PBK: variants seen among roughly 807,000 people sequenced by gnomAD.
PBK encodes the protein PDZ binding kinase.
In PBK, 22 loss-of-function variants were observed where a neutral mutation model predicts 33.5. That is an observed-to-expected ratio of 0.66 (90% CI 0.47 to 0.94). The LOEUF is 0.94. Among genes scored for constraint, PBK ranks in the 40% least tolerant of loss-of-function variants. PBK has a pLI of 0.00. For missense variants in PBK, 376 were observed against 383.4 expected, an observed-to-expected ratio of 0.98 and a Z score of 0.16; for synonymous variants, 129 against 123.8, an observed-to-expected ratio of 1.04 and a Z score of -0.28.
At chr8:27,811,772 G>A (rs559256154) in intron 6 of PBK, among the ~76,000 whole-genome samples, 4 of 152,150 alleles carry the variant, frequency 2.6e-5, no homozygotes, top group African/African-American at 9.6e-5. Flanking sequence ...CTTCCAAACC[G>A]CAGTCATATA....
At position 27,823,210 on chromosome 8, in the gene PBK, GAAA is replaced by G. The variant is rs756945584; in HGVS notation, c.153-8_153-6del. 27 of 1,479,554 alleles carry G rather than the reference GAAA, an allele frequency of 1.8e-5. No homozygotes were observed. The highest frequency in any genetic ancestry group is 1.8e-4 in the Middle Eastern group (1 of 5,580). 91.7% of individuals were successfully genotyped at this position (1,479,554 alleles called of 1,614,324 possible). On this transcript the variant is annotated splice_region_variant and splice_polypyrimidine_tract_variant and intron_variant, in intron 3 of 7. Transcript: ENST00000301905. Reference sequence around the variant, plus strand: ...TGAGACAAACCTCTTGGAGATCTAAGAAAAAAATTCATTTAAAAAGGATAGAAA... The same window carrying G: ...TGAGACAAACCTCTTGGAGATCTAAGAAAATTCATTTAAAAAGGATAGAAA...
At chr8:27,815,913 T>C (rs1335455605) in intron 6 of PBK, among the ~76,000 whole-genome samples, 1 of 152,226 alleles carries the variant, frequency 6.6e-6, no homozygotes, top group African/African-American at 2.4e-5. Context: ...TTTGATGAGA[T>C]CATAAACTAA....
rs146196671 is a variant in PBK at position 27,836,834 on chromosome 8, T to C, written c.-21+818A>G. ...CTTACGACTGAGTCCCACCTTCTAC[T>C]CTAAGCTATTTGCACCTCAATGTAC... On this transcript the variant is annotated intron_variant, in intron 1 of 7. Transcript: ENST00000301905. Among the ~76,000 whole-genome samples, 13 of 152,332 alleles carry C rather than the reference T, an allele frequency of 8.5e-5. No homozygotes were observed. The East Asian group carries it at 2.3e-3, about 27-fold the overall frequency.
At chr8:27,830,543 TA>T (rs1335185715) in intron 2 of PBK, among the ~76,000 whole-genome samples, 1 of 152,214 alleles carries the variant, frequency 6.6e-6, no homozygotes, top group East Asian at 1.9e-4. Context: ...ATAAATGGTC[TA>T]AACAGAGCTG....
At chr8:27,814,919 C>T (rs997509703) in intron 6 of PBK, among the ~76,000 whole-genome samples, 8 of 152,148 alleles carry the variant, frequency 5.3e-5, no homozygotes, top group Non-Finnish European at 8.8e-5. Context: ...CTAGGATAAA[C>T]TCAAACTCTT....
chr8:27,822,214 G>T, intron 5 of PBK, 105 bp downstream of exon 5: 1 of 842,444 alleles, frequency 1.2e-6, no homozygotes, highest in Non-Finnish European at 1.8e-6. Flanking sequence ...GAACTGACAA[G>T]TAACAATATC....
intron 6 of PBK, among the ~76,000 whole-genome samples, chr8:27,815,255 C>A (rs1223155814): frequency 3.3e-5 from 5 of 152,140 alleles, no homozygotes; most frequent in African/African-American, 9.7e-5. Flanking sequence ...TTCCAGTTAA[C>A]AAGCACTCAT....
In PBK at chr8:27,811,136, TGA is replaced by T; in HGVS notation, c.596-4_596-3del. 6.2e-7 allele frequency: 1 copy of T among 1,613,694 alleles called. No homozygotes were observed. Among genetic ancestry groups the T allele is most frequent in the South Asian group, 1.1e-5 (1 of 91,064 alleles). ...TGTAACAAGCCTCAGGGTCAGTCACTGAAACAAGCAAGATGGTTATGAAGGCA... is the reference window on the plus strand; with the variant it reads ...TGTAACAAGCCTCAGGGTCAGTCACTAACAAGCAAGATGGTTATGAAGGCA... On this transcript the variant is annotated splice_region_variant and splice_polypyrimidine_tract_variant and intron_variant, in intron 6 of 7. Transcript: ENST00000301905.
chr8:27,825,061 G>T (rs554271445), intron 3 of PBK, among the ~76,000 whole-genome samples: 15 of 152,296 alleles, frequency 9.8e-5, no homozygotes, highest in Middle Eastern at 3.4e-3. Context: ...AACAGCAGAA[G>T]AGACAACAGC....
At chr8:27,834,291 T>A (rs11986971) in intron 1 of PBK, among the ~76,000 whole-genome samples, 1 of 152,252 alleles carries the variant, frequency 6.6e-6, no homozygotes, top group African/African-American at 2.4e-5. Flanking sequence ...CCTCCCAAAG[T>A]GCTGGGATTA....
intron 2 of PBK, 94 bp from the exon 3 acceptor site, chr8:27,828,292 GCA>G: frequency 1.8e-6 from 1 of 546,776 alleles, no homozygotes; most frequent in Non-Finnish European, 3.2e-6. Context: ...GTATTAATTG[GCA>G]CAGTCTTTTT....
intron 5 of PBK, 130 bp from the exon 6 acceptor site, chr8:27,820,824 A>ACTTTTT (rs1805911827): frequency 2.7e-6 from 1 of 370,006 alleles, no homozygotes; most frequent in Admixed American, 5.0e-5. Context: ...GCGTTTCAAA[A>ACTTTTT]TTTTTTTTTT....
At chr8:27,823,508 T>G (rs1034313724) in intron 3 of PBK, among the ~76,000 whole-genome samples, 3 of 152,012 alleles carry the variant, frequency 2.0e-5, no homozygotes, top group Non-Finnish European at 4.4e-5. Flanking sequence ...ATTTTTCCAT[T>G]TGAGCATGTT....
chr8:27,820,362 C>A (rs775559058), intron 6 of PBK, among the ~76,000 whole-genome samples: 16 of 152,148 alleles, frequency 1.1e-4, no homozygotes, highest in East Asian at 1.9e-4. Context: ...AATACTACTA[C>A]TAATAATAAT....
At chr8:27,811,420 G>C in intron 6 of PBK, 1 of 519,474 alleles carries the variant, frequency 1.9e-6, no homozygotes, top group Non-Finnish European at 3.5e-6. Context: ...TCTGGAGCCA[G>C]ACTGCCTTGC....
At chr8:27,820,814 G>T in intron 5 of PBK, 120 bp from the exon 6 acceptor site, 1 of 518,120 alleles carries the variant, frequency 1.9e-6, no homozygotes, top group Non-Finnish European at 3.1e-6. Flanking sequence ...CATTTGTCCA[G>T]CGTTTCAAAA....
chr8:27,823,114 G>A lies in PBK; in HGVS notation c.244C>T (p.Leu82=). Residue 82 remains leucine (L), a synonymous_variant, in exon 4 of 8, where the codon CTA becomes TTA. Transcript: ENST00000301905. ...TTCAAAATCTTAGCTTCATCCATTAGTCTCTTTTGATACACACTTCGATAA... is the reference window on the plus strand; with the variant it reads ...TTCAAAATCTTAGCTTCATCCATTAATCTCTTTTGATACACACTTCGATAA... ...DHYRSVYQKR[L]MDEAKILKSL... is the part of the protein sequence containing the mutation. 1 of 1,588,312 alleles carries A rather than the reference G, an allele frequency of 6.3e-7. No homozygotes were observed. The highest frequency in any genetic ancestry group is 1.3e-5 in the African/African-American group (1 of 74,376).
chr8:27,822,994 G>A, intron 4 of PBK, 69 bp downstream of exon 4: 1 of 958,454 alleles, frequency 1.0e-6, no homozygotes, highest in Non-Finnish European at 1.6e-6. Flanking sequence ...AACCAGTTAA[G>A]AGAGCATATA....
intron 2 of PBK, among the ~76,000 whole-genome samples, chr8:27,829,520 AAAAAGTACC>A (rs1413364821): frequency 1.3e-5 from 2 of 152,238 alleles, no homozygotes; most frequent in African/African-American, 4.8e-5. Flanking sequence ...CTGCCCAATC[AAAAAGTACC>A]AGGCATGAAA....
Sources: gnomAD v4.1 joint callset for allele counts (sites outside exome capture counted in the v4.1 genomes callset) on GRCh38, gnomAD v4.1.1 for gene constraint, MANE v1.5 for transcripts, NCBI Gene and HGNC (gene_info 2026-07-23, HGNC 2026-07-21) for gene names.